RUBCN: variants seen among roughly 807,000 people sequenced by gnomAD.
The protein encoded by RUBCN is rubicon autophagy regulator.
In RUBCN, 74 loss-of-function variants were observed where a neutral mutation model predicts 113.2. The observed-to-expected ratio is 0.65, with a 90% CI of 0.54 to 0.79. The LOEUF (loss-of-function observed/expected upper bound fraction) is 0.79, where lower values mean the gene tolerates loss of function less well. Ranked by LOEUF, RUBCN falls within the 30% of genes least tolerant of loss-of-function variation. The pLI is 0.00. For synonymous variants in RUBCN, 480 were observed against 490.0 expected (o/e 0.98, Z 0.27); for missense variants, 1,109 against 1,251.7 (o/e 0.89, Z 1.72).
chr3:197,717,973 A>G lies in RUBCN; in HGVS notation c.219+4T>C, dbSNP rs772410888. ...AATCTGGCAAAAAAAGGAGTTCTGC[A>G]TACCTGGTCACGGATAAGCCCGTGA... On this transcript the variant is annotated splice_donor_region_variant and intron_variant, in intron 2 of 19. Transcript: ENST00000296343. 3 of 1,613,586 alleles carry G rather than the reference A, an allele frequency of 1.9e-6. No individual in the cohort carries two copies. Among genetic ancestry groups the G allele is most frequent in the East Asian group, 2.2e-5 (1 of 44,890 alleles).
chr3:197,722,245 AAAAG>A (rs1463018303), intron 1 of RUBCN, among the ~76,000 whole-genome samples: 4 of 152,058 alleles, frequency 2.6e-5, no homozygotes, highest in Non-Finnish European at 4.4e-5. Context: ...TTCAAAAAAA[AAAAG>A]AAAGAAAAAA....
intron 10 of RUBCN, 123 bp downstream of exon 10, chr3:197,694,252 G>A (rs532875565): frequency 4.5e-6 from 4 of 882,110 alleles, no homozygotes; most frequent in Non-Finnish European, 7.7e-6. Context: ...TTCCTAGCAT[G>A]ATAGAAAAAA....
chr3:197,699,235 C>A lies in RUBCN; in HGVS notation c.1261+1378G>T, dbSNP rs531206446. 1.3e-3 allele frequency: 2,008 copies of A among 1,546,452 alleles called. 3 individuals are homozygous for A. Among genetic ancestry groups the A allele is most frequent in the Non-Finnish European group, 1.7e-3 (1,905 of 1,142,316 alleles). On this transcript the variant is annotated intron_variant, in intron 7 of 19. Coordinates refer to ENST00000296343, the MANE Select transcript of RUBCN (RefSeq NM_014687.4). Reference sequence around the variant, plus strand: ...ATGGTGATATTCCTGGGGCCTCCTGCCGGTAGACAGACAGGTGCAGAGGAG... The same window carrying A: ...ATGGTGATATTCCTGGGGCCTCCTGACGGTAGACAGACAGGTGCAGAGGAG...
chr3:197,701,122 A>G lies in RUBCN; in HGVS notation c.752T>C (p.Leu251Pro). The part of the protein sequence containing the change: ...GSERRSTSFP[L>P]SGPPRKPQES... ...TTGAGGTTTCCGGGGAGGGCCAGAG[A>G]GTGGAAAGGAAGTAGATCTTCTCTC... is the stretch of plus-strand genomic sequence containing the variant. The change falls in exon 7 of 20, where the codon CTC (leucine) becomes CCC (proline). Residue 251 changes from leucine (L) to proline (P), a missense_variant. Physicochemically the swap from Leu to Pro is moderately conservative, Grantham distance 98. Around this residue, in one of 3 missense-constraint regions of RUBCN, gnomAD observed 736 missense variants for 779.6 expected, o/e 0.94. Coordinates refer to ENST00000296343, the MANE Select transcript of RUBCN (RefSeq NM_014687.4). The G allele has an allele frequency of 6.4e-7, 1 of 1,560,294 alleles. No individual in the cohort carries two copies. Among genetic ancestry groups the G allele is most frequent in the Non-Finnish European group, 8.7e-7 (1 of 1,154,086 alleles).
At chr3:197,746,837 G>A (rs1047396475) in intron 1 of RUBCN, among the ~76,000 whole-genome samples, 2 of 152,096 alleles carry the variant, frequency 1.3e-5, no homozygotes, top group East Asian at 1.9e-4. Context: ...GAATGCCCAC[G>A]TCCAGTCCAG....
At chr3:197,737,377 G>A (rs1361455008), upstream of RUBCN, 2 of 150,866 alleles carry the variant, frequency 1.3e-5, no homozygotes, top group African/African-American at 4.9e-5. Context: ...GGTTGCTTTG[G>A]GATCATAAAA....
chr3:197,722,826 C>CT (rs1726316639), intron 1 of RUBCN, among the ~76,000 whole-genome samples: 1 of 152,040 alleles, frequency 6.6e-6, no homozygotes, highest in South Asian at 2.1e-4. Context: ...TTTTCCATCC[C>CT]TTTAAGTCTA....
intron 1 of RUBCN, among the ~76,000 whole-genome samples, chr3:197,730,885 C>CTTTTTTTTTTTTTTTTTTTTTT (rs71166707): frequency 6.0e-5 from 3 of 49,996 alleles, no homozygotes; most frequent in Admixed American, 3.0e-4. Flanking sequence ...TTAAAAGCAT[C>CTTTTTTTTTTTTTTTTTTTTTT]TTTTTTTTTT....
At position 197,731,112 on chromosome 3, in the gene RUBCN, T is replaced by G. The variant is rs1727407227; in HGVS notation, c.65+5543A>C. On this transcript the variant is annotated intron_variant, in intron 1 of 19. Transcript: ENST00000296343. ...GCAGATAAACAAGTGAACAAAGGTCTCCGGTTTTCCTAGGCAGAGGACCCT... is the reference window on the plus strand; with the variant it reads ...GCAGATAAACAAGTGAACAAAGGTCGCCGGTTTTCCTAGGCAGAGGACCCT... Among the ~76,000 whole-genome samples, 3 of 151,814 alleles carry G rather than the reference T, an allele frequency of 2.0e-5. No homozygotes were observed. In the South Asian group the frequency reaches 6.2e-4, roughly 32 times the overall value.
At chr3:197,733,677 C>T (rs1262963809) in intron 1 of RUBCN, among the ~76,000 whole-genome samples, 1 of 152,116 alleles carries the variant, frequency 6.6e-6, no homozygotes, top group African/African-American at 2.4e-5. Flanking sequence ...CATGAAGCCT[C>T]ATTAAACAAC....
intron 2 of RUBCN, among the ~76,000 whole-genome samples, chr3:197,716,995 C>G (rs1180572237): frequency 6.6e-6 from 1 of 152,144 alleles, no homozygotes; most frequent in Non-Finnish European, 1.5e-5. Flanking sequence ...GTTGCATGTG[C>G]CCGTAGCCCT....
chr3:197,672,881 CAG>C lies in RUBCN; in HGVS notation c.*2135_*2136del, dbSNP rs1374417197. ...CTAATTTTTGTATTTTTGGAAGAGACAGGGTTTCACCACATTGGCCAGGCTGG... is the reference window on the plus strand; with the variant it reads ...CTAATTTTTGTATTTTTGGAAGAGACGGTTTCACCACATTGGCCAGGCTGG... On this transcript the variant is annotated 3_prime_UTR_variant, in exon 20 of 20. Transcript: ENST00000296343. 4.6e-5 allele frequency: 7 copies of C among 152,338 alleles called. No homozygotes were observed. Among genetic ancestry groups the C allele is most frequent in the Non-Finnish European group, 1.0e-4 (7 of 68,154 alleles). 9.4% of individuals were successfully genotyped at this position (152,338 alleles called of 1,614,324 possible). A position where few individuals can be genotyped will look rare whatever the true frequency, so the allele number is the denominator to read the frequency against.
At chr3:197,713,456 C>A (rs1725176353) in intron 2 of RUBCN, among the ~76,000 whole-genome samples, 1 of 152,186 alleles carries the variant, frequency 6.6e-6, no homozygotes, top group Non-Finnish European at 1.5e-5. Context: ...CACTGAGTTT[C>A]TGTAAAACAC....
chr3:197,681,319 CA>C lies in RUBCN; in HGVS notation c.2239del (p.Cys747AlafsTer49). 6 of 1,614,196 alleles carry C rather than the reference CA, an allele frequency of 3.7e-6. No individual in the cohort carries two copies. The highest frequency in any genetic ancestry group is 5.1e-6 in the Non-Finnish European group (6 of 1,180,032). ...RYCEYLGKYF[C>X]QCCHENAQMA... ...CTGGGCATTCTCGTGGCAGCACTGG[CA>C]GAAGTACTTGCCCAGGTACTCACAG... On this transcript the variant is annotated frameshift_variant, in exon 16 of 20. Coordinates refer to ENST00000296343, the MANE Select transcript of RUBCN (RefSeq NM_014687.4). LOFTEE classifies it high-confidence loss of function. This position sits in a 1 kb window ranked among gnomAD's most constrained non-coding sequence, Gnocchi z 5.5.
At chr3:197,677,188 G>T in intron 17 of RUBCN, 150 bp from the exon 18 acceptor site, 1 of 879,898 alleles carries the variant, frequency 1.1e-6, no homozygotes, top group Non-Finnish European at 1.8e-6. Context: ...GCCGTTCCAC[G>T]CTATTAGGTG....
chr3:197,714,389 T>C (rs1310454658), intron 2 of RUBCN, among the ~76,000 whole-genome samples: 1 of 152,196 alleles, frequency 6.6e-6, no homozygotes, highest in Non-Finnish European at 1.5e-5. Flanking sequence ...GGCACAATCA[T>C]AGCTCACTGG....
intron 11 of RUBCN, among the ~76,000 whole-genome samples, chr3:197,685,711 T>A (rs958700939): frequency 2.0e-5 from 3 of 152,234 alleles, no homozygotes; most frequent in African/African-American, 7.2e-5. Context: ...GCATAGCCTA[T>A]TTCACAACAA....
chr3:197,728,524 A>C (rs1312259453), intron 1 of RUBCN, among the ~76,000 whole-genome samples: 4 of 152,192 alleles, frequency 2.6e-5, no homozygotes, highest in African/African-American at 7.2e-5. Flanking sequence ...AATAGGAGAA[A>C]TGCGAAGAAA....
At chr3:197,740,348 A>G (rs1728475317), upstream of RUBCN, among the ~76,000 whole-genome samples, 1 of 151,754 alleles carries the variant, frequency 6.6e-6, no homozygotes, top group Non-Finnish European at 1.5e-5. Flanking sequence ...AGACGCCTGT[A>G]ATCCCAGCTA....
Sources: gnomAD v4.1 joint callset for allele counts (sites outside exome capture counted in the v4.1 genomes callset) on GRCh38, gnomAD v4.1.1 for gene constraint, gnomAD v4.1.1 regional missense constraint, Gnocchi (gnomAD v3.1) non-coding constraint, MANE v1.5 for transcripts, NCBI Gene and HGNC (gene_info 2026-07-23, HGNC 2026-07-21) for gene names.